NCKAP5: variants seen among roughly 807,000 people sequenced by gnomAD.
NCKAP5 encodes the protein NCK associated protein 5.
A neutral mutation model predicts 167.0 loss-of-function variants in NCKAP5; 92 were observed. That is an observed-to-expected ratio of 0.55 (90% CI 0.47 to 0.66). The LOEUF is 0.66. Among genes scored for constraint, NCKAP5 ranks in the 30% least tolerant of loss-of-function variants. The pLI is 0.00. For missense variants in NCKAP5, 2,378 were observed against 2,315.0 expected (o/e 1.03, Z -0.56); for synonymous variants, 891 against 877.4 (o/e 1.02, Z -0.27).
chr2:133,106,857 C>A (rs1050308957), intron 6 of NCKAP5, among the ~76,000 whole-genome samples: 6 of 152,104 alleles, frequency 3.9e-5, no homozygotes, highest in African/African-American at 7.2e-5. Context: ...AGAAATTATT[C>A]AAGGTCATTA....
intron 11 of NCKAP5, among the ~76,000 whole-genome samples, chr2:132,800,418 G>A (rs1029152573): frequency 6.6e-6 from 1 of 152,156 alleles, no homozygotes; most frequent in South Asian, 2.1e-4. Context: ...GTTTGAAATA[G>A]GCCTTGTGTC....
rs572598620 is a variant in NCKAP5 at position 133,247,406 on chromosome 2, G to A, written c.144-33627C>T. 3.9e-5 allele frequency among the ~76,000 whole-genome samples: 6 copies of A among 152,132 alleles called. No homozygotes were observed. In the South Asian group the frequency reaches 1.2e-3, roughly 32 times the overall value. ...TTTCCTACCCCTTTAAAATTTTGCA[G>A]CATTCAATTAAAATCACATAAGAAT... On this transcript the variant is annotated intron_variant, in intron 4 of 19. Coordinates refer to ENST00000409261, the MANE Select transcript of NCKAP5 (RefSeq NM_207363.3).
At chr2:133,603,022 C>T in the NCKAP5 span, among the ~76,000 whole-genome samples, 1 of 152,104 alleles carries the variant, frequency 6.6e-6, no homozygotes, top group Non-Finnish European at 1.5e-5. Flanking sequence ...CACTTACCCC[C>T]TCACATACAC....
chr2:133,378,824 G>T (rs1407082555), intron 3 of NCKAP5, among the ~76,000 whole-genome samples: 1 of 152,194 alleles, frequency 6.6e-6, no homozygotes, highest in Non-Finnish European at 1.5e-5. Context: ...TCACTCTTCT[G>T]ATAAAAGTTT....
intron 3 of NCKAP5, among the ~76,000 whole-genome samples, chr2:133,467,748 T>A (rs1486965207): frequency 6.8e-6 from 1 of 146,168 alleles, no homozygotes; most frequent in Non-Finnish European, 1.5e-5. Flanking sequence ...GGAGAGTGTA[T>A]GTGTCCAGGA....
intron 6 of NCKAP5, among the ~76,000 whole-genome samples, chr2:133,036,558 G>A (rs560601636): frequency 4.0e-5 from 6 of 151,892 alleles, no homozygotes; most frequent in African/African-American, 1.4e-4. Context: ...ACAGAACGAA[G>A]GATAAAAACC....
chr2:133,222,015 T>C (rs1192723549), intron 4 of NCKAP5, among the ~76,000 whole-genome samples: 3 of 152,226 alleles, frequency 2.0e-5, no homozygotes, highest in Admixed American at 1.3e-4. Flanking sequence ...CTGATATTTA[T>C]TGAATAGTTG....
At chr2:133,188,755 C>T (rs1222403114) in intron 5 of NCKAP5, among the ~76,000 whole-genome samples, 3 of 151,974 alleles carry the variant, frequency 2.0e-5, no homozygotes, top group East Asian at 1.9e-4. Flanking sequence ...AGACACAACA[C>T]ACCAGAATCT....
chr2:133,071,638 T>C (rs1041598566), intron 6 of NCKAP5, among the ~76,000 whole-genome samples: 10 of 152,218 alleles, frequency 6.6e-5, no homozygotes, highest in Admixed American at 6.5e-5. Context: ...TATAGAGCCA[T>C]GCAGGTTCTC....
At chr2:133,028,597 C>A (rs933714078) in intron 6 of NCKAP5, among the ~76,000 whole-genome samples, 1 of 152,160 alleles carries the variant, frequency 6.6e-6, no homozygotes, top group African/African-American at 2.4e-5. Flanking sequence ...TAAGTGAGAA[C>A]CACAGTCCTC....
rs577945777 is a variant in NCKAP5, at chr2:133,168,178, G to T, written c.208-38067C>A. Among the ~76,000 whole-genome samples the T allele has an allele frequency of 5.9e-5, 9 of 152,204 alleles. No homozygotes were observed. The South Asian group carries it at 1.9e-3, about 32-fold the overall frequency. ...CAGAGCTGGGATTCCAACTCAGACA[G>T]CCTGGCTCTTGAGCCCACGCACTTA... On this transcript the variant is annotated intron_variant, in intron 5 of 19. Coordinates refer to ENST00000409261, the MANE Select transcript of NCKAP5 (RefSeq NM_207363.3).
At chr2:133,292,138 G>A (rs1679642232) in intron 4 of NCKAP5, among the ~76,000 whole-genome samples, 1 of 152,110 alleles carries the variant, frequency 6.6e-6, no homozygotes, top group Admixed American at 6.5e-5. Context: ...TTTTAATCTA[G>A]AGTTACCCAT....
intron 5 of NCKAP5, among the ~76,000 whole-genome samples, chr2:133,153,928 C>G (rs533677673): frequency 3.3e-5 from 5 of 151,288 alleles, no homozygotes; most frequent in South Asian, 2.1e-4. Context: ...CTCCTCCCCC[C>G]AAGAAGGGTT....
chr2:133,226,524 T>C lies in NCKAP5; in HGVS notation c.144-12745A>G, dbSNP rs76910634. On this transcript the variant is annotated intron_variant, in intron 4 of 19. Coordinates refer to ENST00000409261, the MANE Select transcript of NCKAP5 (RefSeq NM_207363.3). ...GAGATAGGGGCCTTTACAGAGTTAA[T>C]CAATTTTAAATGAGGTCACTAGAAT... Among the ~76,000 whole-genome samples the C allele has an allele frequency of 8.6e-3, 1,296 of 151,374 alleles. 22 individuals are homozygous for C. The highest frequency in any genetic ancestry group is 0.03 in the African/African-American group (1,226 of 41,166).
At chr2:132,857,046 T>C (rs1257717619) in intron 11 of NCKAP5, among the ~76,000 whole-genome samples, 1 of 152,196 alleles carries the variant, frequency 6.6e-6, no homozygotes, top group African/African-American at 2.4e-5. Context: ...TGGTGAGTGC[T>C]GTAAAGTTTG....
At position 132,744,372 on chromosome 2, in the gene NCKAP5, T is replaced by G. The variant is rs1679464015; in HGVS notation, c.5129-12321A>C. Among the ~76,000 whole-genome samples, 3 of 151,746 alleles carry G rather than the reference T, an allele frequency of 2.0e-5. 1 individual carries two copies. In the South Asian group the frequency reaches 6.2e-4, roughly 31 times the overall value. On this transcript the variant is annotated intron_variant, in intron 16 of 19. Coordinates refer to ENST00000409261, the MANE Select transcript of NCKAP5 (RefSeq NM_207363.3). ...AAAAGAGAAGTCAATAGAAGAAAGA[T>G]GTCTAGAAAAATTTCCAAACATTTA...
chr2:133,442,164 A>G (rs1264328459), intron 3 of NCKAP5, among the ~76,000 whole-genome samples: 1 of 152,164 alleles, frequency 6.6e-6, no homozygotes, highest in Non-Finnish European at 1.5e-5. Context: ...ATCACACGTG[A>G]GCTCTGTTCA....
the NCKAP5 span, among the ~76,000 whole-genome samples, chr2:133,580,128 C>A: frequency 6.6e-6 from 1 of 152,188 alleles, no homozygotes; most frequent in African/African-American, 2.4e-5. Flanking sequence ...CACTGTCTCC[C>A]AGCTTCCTTT....
the NCKAP5 span, among the ~76,000 whole-genome samples, chr2:133,660,610 T>A: frequency 6.6e-6 from 1 of 152,138 alleles, no homozygotes; most frequent in African/African-American, 2.4e-5. Flanking sequence ...ACATTATAAG[T>A]TTGCCCAAAG....
Sources: allele counts gnomAD v4.1 joint callset (sites outside exome capture counted in the v4.1 genomes callset), GRCh38; gene constraint gnomAD v4.1.1; transcripts MANE v1.5; gene names NCBI Gene and HGNC (gene_info 2026-07-23, HGNC 2026-07-21).